The following FNDC11 variants were observed in gnomAD, a reference collection of about 807,000 sequenced individuals.
FNDC11 encodes the protein fibronectin type III domain containing 11, also known as fibronectin type III domain-containing protein 11.
In FNDC11, 15 loss-of-function variants were observed where a neutral mutation model predicts 15.8. The ratio of observed to expected loss-of-function variants is 0.95; its 90% CI spans 0.63 to 1.46. The LOEUF (loss-of-function observed/expected upper bound fraction) is 1.46. Ranked by LOEUF, FNDC11 falls within the 40% of genes most tolerant of loss-of-function variation. FNDC11 has a pLI of 0.00. For synonymous variants in FNDC11, 190 were observed against 203.1 expected, an observed-to-expected ratio of 0.94 and a Z score of 0.55; for missense variants, 416 against 443.4, an observed-to-expected ratio of 0.94 and a Z score of 0.55.
rs558059079 is a variant in FNDC11, at chr20:63,556,467, C to T, written c.804C>T (p.Phe268=). 1.9e-5 allele frequency: 31 copies of T among 1,613,562 alleles called. No homozygotes were observed. In the African/African-American group the frequency reaches 3.1e-4, roughly 16 times the overall value. The change falls in exon 2 of 2, where the codon TTC becomes TTT. Residue 268 remains phenylalanine (F), a synonymous_variant. Transcript: ENST00000370097. ...TCATCCCCGTGGCTGCCTGCACCTT[C>T]GACGTCCGAAACCTGCTGCCCAACC... ...CGVIPVAACT[F]DVRNLLPNRS...
Position 63,556,156 on chromosome 20 carries a change from G to A in FNDC11, c.493G>A (p.Asp165Asn). 6.3e-7 allele frequency: 1 copy of A among 1,594,854 alleles called. No individual in the cohort carries two copies. Among genetic ancestry groups the A allele is most frequent in the Non-Finnish European group, 8.5e-7 (1 of 1,172,404 alleles). Residue 165 changes from aspartate to asparagine, a missense_variant, in exon 2 of 2, where the codon GAC becomes AAC. Asp to Asn is a conservative substitution (Grantham distance 23). Transcript: ENST00000370097. ...GGCGCTGGTGGAGCGGCGGCTGGCG[G>A]ACGTGTCGGCCGTCATGGACAGCTT... The part of the protein sequence containing the change: ...DWALVERRLA[D>N]VSAVMDSFLT...
chr20:63,556,064 AC>A lies in FNDC11; in HGVS notation c.403del (p.His135MetfsTer40). The A allele has an allele frequency of 6.3e-7, 1 of 1,599,934 alleles. No homozygotes were observed. The highest frequency in any genetic ancestry group is 1.1e-5 in the South Asian group (1 of 91,068). On this transcript the variant is annotated frameshift_variant, in exon 2 of 2. Transcript: ENST00000370097. LOFTEE classifies it high-confidence loss of function. ...LLLGDLLEQL[D>X]HGRAELDALL... ...CTCGGGGACCTGTTGGAACAGCTCGACCATGGCCGTGCTGAGCTGGATGCCC... is the reference window on the plus strand; with the variant it reads ...CTCGGGGACCTGTTGGAACAGCTCGACATGGCCGTGCTGAGCTGGATGCCC...
Position 63,556,289 on chromosome 20 carries a change from C to T in FNDC11, c.626C>T (p.Pro209Leu). ...TGGCTCATGCTGAGCACCAAGATGC[C>T]TGTCGTGTTTGACCGAAAGGCGTCG... is the stretch of plus-strand genomic sequence containing the variant. ...HIWLMLSTKM[P>L]VVFDRKASAA... Residue 209 changes from proline to leucine, a missense_variant, in exon 2 of 2, where the codon CCT becomes CTT. Transcript: ENST00000370097. 6.2e-7 allele frequency: 1 copy of T among 1,603,028 alleles called. No individual in the cohort carries two copies. Among genetic ancestry groups the T allele is most frequent in the Admixed American group, 1.7e-5 (1 of 59,858 alleles).
chr20:63,553,269 C>A (rs1317125464), upstream of FNDC11, among the ~76,000 whole-genome samples: 1 of 152,208 alleles, frequency 6.6e-6, no homozygotes, highest in Non-Finnish European at 1.5e-5. Context: ...CTCCCTGGAG[C>A]TATGGAGACC....
rs749872664 is a variant in FNDC11, at chr20:63,555,712, A to G, written c.49A>G (p.Asn17Asp). ...GGGCCTGGACAAGATGAAGCTGGGC[A>G]ATCCCCAGTCCTTCCTGGACCAGGA... Reference protein sequence around the residue: ...GLGLDKMKLGNPQSFLDQEEA... With the variant: ...GLGLDKMKLGDPQSFLDQEEA... Residue 17 changes from asparagine (N) to aspartate (D), a missense_variant, in exon 2 of 2, where the codon AAT becomes GAT. Physicochemically the swap from Asn to Asp is conservative, Grantham distance 23. Transcript: ENST00000370097. 9 of 1,612,700 alleles carry G rather than the reference A, an allele frequency of 5.6e-6. No individual in the cohort carries two copies. In the Admixed American group the frequency reaches 1.3e-4, roughly 24 times the overall value.
Position 63,555,789 on chromosome 20 carries a change from C to A in FNDC11, c.126C>A (p.Thr42=). Residue 42 remains threonine (T), a synonymous_variant, in exon 2 of 2, where the codon ACC becomes ACA. Coordinates refer to ENST00000370097, the MANE Select transcript of FNDC11 (RefSeq NM_001319152.2). The stretch of plus-strand genomic sequence containing the variant: ...AACCAGAGGCGTGGAAGACCTACAC[C>A]GAGCGCCGCAATGCCCTGCGTGAGT... ...LLEPEAWKTY[T]ERRNALREFL... is the part of the protein sequence containing the mutation. 6.2e-7 allele frequency: 1 copy of A among 1,613,546 alleles called. No individual in the cohort carries two copies. The highest frequency in any genetic ancestry group is 1.1e-5 in the South Asian group (1 of 91,092).
chr20:63,555,404 C>G, intron 1 of FNDC11: 1 of 538,226 alleles, frequency 1.9e-6, no homozygotes, highest in Non-Finnish European at 3.2e-6. Flanking sequence ...AGTCCGCAGT[C>G]CTAGTTCTTC....
Position 63,556,212 on chromosome 20 carries a change from C to G in FNDC11, c.549C>G (p.His183Gln), listed in dbSNP as rs1352060707. ...CCATGATGGTGCCGGGGCGGCTACACGTCAAGCACCGCCTGGTGTCTGATG... is the reference window on the plus strand; with the variant it reads ...CCATGATGGTGCCGGGGCGGCTACAGGTCAAGCACCGCCTGGTGTCTGATG... ...FLTMMVPGRLHVKHRLVSDVS... is the reference protein window; with the variant it reads ...FLTMMVPGRLQVKHRLVSDVS... The change falls in exon 2 of 2, where the codon CAC becomes CAG. Residue 183 changes from histidine (H) to glutamine (Q), a missense_variant. Physicochemically the swap from His to Gln is conservative, Grantham distance 24. Coordinates refer to ENST00000370097, the MANE Select transcript of FNDC11 (RefSeq NM_001319152.2). 1 of 1,594,730 alleles carries G rather than the reference C, an allele frequency of 6.3e-7. No homozygotes were observed. The highest frequency in any genetic ancestry group is 1.7e-4 in the Middle Eastern group (1 of 5,990).
upstream of FNDC11, chr20:63,553,057 A>G (rs2082773221): frequency 1.3e-5 from 2 of 152,246 alleles, 1 homozygote; most frequent in Non-Finnish European, 2.9e-5. Flanking sequence ...GGGGGTGGAG[A>G]TGAGGAGGAT....
At chr20:63,554,641 G>A (rs1012079209) in intron 1 of FNDC11, 1 of 152,298 alleles carries the variant, frequency 6.6e-6, no homozygotes, top group Non-Finnish European at 1.5e-5. Flanking sequence ...CCAGGGGCCT[G>A]TTCTCGAGGG....
chr20:63,554,671 G>C (rs982202106), intron 1 of FNDC11: 6 of 152,270 alleles, frequency 3.9e-5, no homozygotes, highest in Admixed American at 3.9e-4. Context: ...GAGTGCGCTC[G>C]TGAAGTCATA....
rs748810458 is a variant in FNDC11, at chr20:63,556,050, G to C, written c.387G>C (p.Leu129=). The change falls in exon 2 of 2, where the codon CTG becomes CTC. Residue 129 remains leucine (L), a synonymous_variant. Coordinates refer to ENST00000370097, the MANE Select transcript of FNDC11 (RefSeq NM_001319152.2). ...TKIQLLLLGD[L]LEQLDHGRAE... ...TCCAGCTCCTGCTGCTCGGGGACCT[G>C]TTGGAACAGCTCGACCATGGCCGTG... The C allele has an allele frequency of 1.2e-6, 2 of 1,600,122 alleles. No homozygotes were observed. Among genetic ancestry groups the C allele is most frequent in the South Asian group, 2.2e-5 (2 of 91,082 alleles).
Position 63,556,153 on chromosome 20 carries a change from GC to G in FNDC11, c.491del (p.Ala164GlyfsTer11). The G allele has an allele frequency of 1.9e-6, 3 of 1,594,896 alleles. No individual in the cohort carries two copies. The highest frequency in any genetic ancestry group is 2.6e-6 in the Non-Finnish European group (3 of 1,172,524). On this transcript the variant is annotated frameshift_variant, in exon 2 of 2. Coordinates refer to ENST00000370097, the MANE Select transcript of FNDC11 (RefSeq NM_001319152.2). LOFTEE classifies it high-confidence loss of function. ...CTGGGCGCTGGTGGAGCGGCGGCTG[GC>G]GGACGTGTCGGCCGTCATGGACAGC... Reference protein sequence around the residue: ...ADWALVERRLADVSAVMDSFL... With the variant: ...ADWALVERRLXDVSAVMDSFL...
At chr20:63,554,087 C>CCCCCG (rs2082784359), upstream of FNDC11, 1 of 152,220 alleles carries the variant, frequency 6.6e-6, no homozygotes, top group South Asian at 2.1e-4. Context: ...CGGGTCCCCA[C>CCCCCG]CCCCGCCCCG....
chr20:63,556,135 C>T lies in FNDC11; in HGVS notation c.472C>T (p.Leu158=). 1 of 1,595,824 alleles carries T rather than the reference C, an allele frequency of 6.3e-7. No individual in the cohort carries two copies. The highest frequency in any genetic ancestry group is 8.5e-7 in the Non-Finnish European group (1 of 1,173,496). Reference sequence around the variant, plus strand: ...ACGGCCCTTCCTGGCCGACTGGGCGCTGGTGGAGCGGCGGCTGGCGGACGT... The same window carrying T: ...ACGGCCCTTCCTGGCCGACTGGGCGTTGGTGGAGCGGCGGCTGGCGGACGT... ...DPRPFLADWA[L]VERRLADVSA... Residue 158 remains leucine, a synonymous_variant, in exon 2 of 2, where the codon CTG becomes TTG. Coordinates refer to ENST00000370097, the MANE Select transcript of FNDC11 (RefSeq NM_001319152.2).
chr20:63,553,601 G>C (rs1345575675), upstream of FNDC11: 3 of 133,316 alleles, frequency 2.3e-5, no homozygotes, highest in East Asian at 4.0e-4. Context: ...TTGCGGGGGA[G>C]GGGGGAGCCC....
chr20:63,556,452 G>A lies in FNDC11; in HGVS notation c.789G>A (p.Val263=), dbSNP rs144634992. 2,625 of 1,613,476 alleles carry A rather than the reference G, an allele frequency of 1.6e-3. 42 individuals are homozygous for A. The African/African-American group carries it at 0.032, about 20-fold the overall frequency. Reference sequence around the variant, plus strand: ...GCGCCCAGTGTGGCGTCATCCCCGTGGCTGCCTGCACCTTCGACGTCCGAA... The same window carrying A: ...GCGCCCAGTGTGGCGTCATCCCCGTAGCTGCCTGCACCTTCGACGTCCGAA... The part of the protein sequence containing the change: ...QECAQCGVIP[V]AACTFDVRNL... The change falls in exon 2 of 2, where the codon GTG becomes GTA. Residue 263 remains valine, a synonymous_variant. Coordinates refer to ENST00000370097, the MANE Select transcript of FNDC11 (RefSeq NM_001319152.2).
Position 63,556,598 on chromosome 20 carries a change from C to T in FNDC11, c.935C>T (p.Pro312Leu), listed in dbSNP as rs2082817952. 1 of 1,611,584 alleles carries T rather than the reference C, an allele frequency of 6.2e-7. No homozygotes were observed. Among genetic ancestry groups the T allele is most frequent in the Non-Finnish European group, 8.5e-7 (1 of 1,178,822 alleles). Reference sequence around the variant, plus strand: ...ACCAAGCCGGAGCCCCTGGAGGGGCCCGCCCTCAGCCACTCTGTCTGAGAG... The same window carrying T: ...ACCAAGCCGGAGCCCCTGGAGGGGCTCGCCCTCAGCCACTCTGTCTGAGAG... Reference protein sequence around the residue: ...LHTKPEPLEGPALSHSV With the variant: ...LHTKPEPLEGLALSHSV The change falls in exon 2 of 2, where the codon CCC becomes CTC. Residue 312 changes from proline (P) to leucine (L), a missense_variant. Physicochemically the swap from Pro to Leu is moderately conservative, Grantham distance 98. Coordinates refer to ENST00000370097, the MANE Select transcript of FNDC11 (RefSeq NM_001319152.2).
upstream of FNDC11, chr20:63,553,959 G>A (rs576923326): frequency 7.9e-5 from 12 of 152,336 alleles, no homozygotes; most frequent in African/African-American, 2.4e-4. Context: ...AACCCCCCTT[G>A]GAGCCTGGCT....
Sources: gnomAD v4.1 joint callset for allele counts (sites outside exome capture counted in the v4.1 genomes callset) on GRCh38, gnomAD v4.1.1 for gene constraint, MANE v1.5 for transcripts, NCBI Gene and HGNC (gene_info 2026-07-23, HGNC 2026-07-21) for gene names.